Variants in YAF2 observed in about 807,000 individuals in gnomAD.
YAF2 encodes the protein YY1-associated factor 2.
Under a neutral mutation model 20.1 loss-of-function variants are expected in YAF2, and 7 were observed. The observed-to-expected ratio is 0.35, with a 90% CI of 0.20 to 0.65. The LOEUF is 0.65. Among genes scored for constraint, YAF2 ranks in the 30% least tolerant of loss-of-function variants. The pLI, the probability that YAF2 is intolerant of heterozygous loss-of-function variation, is 0.69. For synonymous variants in YAF2, 74 were observed against 76.0 expected (o/e 0.97, Z 0.14); for missense variants, 151 against 219.2 (o/e 0.69, Z 1.96).
chr12:42,175,772 T>TAAAAAAAAAAAAAAAAAAAAAAAAAAA (rs1277338221), intron 2 of YAF2, among the ~76,000 whole-genome samples: 33 of 88,852 alleles, frequency 3.7e-4, no homozygotes, highest in Non-Finnish European at 5.4e-4. Flanking sequence ...AAAAAAAAAT[T>TAAAAAAAAAAAAAAAAAAAAAAAAAAA]AAAACAGGAA....
intron 2 of YAF2, 114 bp from the exon 3 acceptor site, chr12:42,161,879 A>C: frequency 1.0e-6 from 1 of 973,032 alleles, no homozygotes; most frequent in Non-Finnish European, 1.5e-6. Flanking sequence ...TTTCAAGTAT[A>C]AAAATTCCTC....
chr12:42,176,555 C>T (rs1327992013), intron 2 of YAF2, among the ~76,000 whole-genome samples: 3 of 152,012 alleles, frequency 2.0e-5, no homozygotes, highest in Non-Finnish European at 2.9e-5. Context: ...TCCGTTTTTC[C>T]TCTCATACTC....
At chr12:42,189,268 A>G (rs975133786) in intron 2 of YAF2, among the ~76,000 whole-genome samples, 8 of 152,246 alleles carry the variant, frequency 5.3e-5, no homozygotes, top group African/African-American at 1.9e-4. Context: ...AAGGCAAGTT[A>G]GAGGCAGGAT....
Position 42,161,779 on chromosome 12 carries a change from A to G in YAF2, c.153-14T>C, listed in dbSNP as rs773735698. 1.3e-5 allele frequency: 21 copies of G among 1,584,440 alleles called. No homozygotes were observed. In the South Asian group the frequency reaches 2.5e-4, roughly 19 times the overall value. ...GGTCGAGGTTTCCTGTGTGCATGTT[A>G]AAAAGAAAGGTATTTTAAATTACAA... On this transcript the variant is annotated splice_polypyrimidine_tract_variant and intron_variant, in intron 2 of 3. Transcript: ENST00000534854.
rs773156618 is a variant in YAF2, at chr12:42,238,198, A to G, written c.-18T>C. 14 of 1,393,436 alleles carry G rather than the reference A, an allele frequency of 1.0e-5. No individual in the cohort carries two copies. In the African/African-American group the frequency reaches 1.9e-4, roughly 19 times the overall value. 86.3% of individuals were successfully genotyped at this position (1,393,436 alleles called of 1,614,324 possible). On this transcript the variant is annotated 5_prime_UTR_variant, in exon 1 of 4. Transcript: ENST00000534854. ...TCTCCCATGGCTTGGCTATCACCGC[A>G]CGCCGAGAGTCGCCGCCGCGACCGC...
At chr12:42,195,019 A>G (rs78760512) in intron 2 of YAF2, among the ~76,000 whole-genome samples, 2,292 of 152,356 alleles carry the variant, frequency 0.015, 55 homozygotes, top group African/African-American at 0.052. Context: ...TTAAAATATT[A>G]TACCAACAGG....
At chr12:42,233,039 C>G (rs1408408378) in intron 2 of YAF2, 1 of 985,268 alleles carries the variant, frequency 1.0e-6, no homozygotes, top group African/African-American at 1.7e-5. Context: ...TTGCTCACCA[C>G]TGTATGTCTA....
intron 2 of YAF2, 131 bp downstream of exon 2, chr12:42,237,468 C>T (rs1279101289): frequency 2.2e-6 from 3 of 1,355,152 alleles, no homozygotes; most frequent in South Asian, 3.4e-5. Context: ...CAGTTCCTAT[C>T]GCCACAGCCA....
chr12:42,213,955 A>T (rs1452877565), intron 2 of YAF2, among the ~76,000 whole-genome samples: 1 of 152,244 alleles, frequency 6.6e-6, no homozygotes, highest in Non-Finnish European at 1.5e-5. Context: ...ACGCCCCATT[A>T]TCTTTCACCT....
intron 2 of YAF2, among the ~76,000 whole-genome samples, chr12:42,178,839 G>A (rs1214702630): frequency 6.6e-6 from 1 of 152,052 alleles, no homozygotes; most frequent in Admixed American, 6.6e-5. Flanking sequence ...ACTTAAATCA[G>A]TGGTGTCTAA....
intron 2 of YAF2, chr12:42,234,979 T>A: frequency 1.0e-6 from 1 of 983,640 alleles, no homozygotes; most frequent in Non-Finnish European, 1.2e-6. Flanking sequence ...CAGAATGAGA[T>A]CTTATCTCAA....
intron 2 of YAF2, among the ~76,000 whole-genome samples, chr12:42,170,704 G>T (rs1158471707): frequency 6.6e-6 from 1 of 152,014 alleles, no homozygotes; most frequent in Non-Finnish European, 1.5e-5. Context: ...AAATTAGCTG[G>T]GCATGGTGGC....
intron 2 of YAF2, chr12:42,236,043 T>G: frequency 1.3e-6 from 2 of 1,531,726 alleles, no homozygotes; most frequent in African/African-American, 2.7e-5. Flanking sequence ...ATTTTTCTAA[T>G]GGCTACAAGA....
chr12:42,210,289 T>G (rs890697434), intron 2 of YAF2: 1 of 1,006,756 alleles, frequency 9.9e-7, no homozygotes, highest in Non-Finnish European at 1.4e-6. Flanking sequence ...TTAAACAAAC[T>G]CCTTCTCAAG....
At chr12:42,169,631 TCA>T (rs1329420904) in intron 2 of YAF2, among the ~76,000 whole-genome samples, 7 of 152,144 alleles carry the variant, frequency 4.6e-5, no homozygotes, top group Non-Finnish European at 8.8e-5. Context: ...CAGGCTGGTC[TCA>T]AACTCCTGGA....
At chr12:42,187,619 C>T (rs977627590) in intron 2 of YAF2, among the ~76,000 whole-genome samples, 27 of 152,174 alleles carry the variant, frequency 1.8e-4, no homozygotes, top group African/African-American at 6.3e-4. Flanking sequence ...CTGATACTTA[C>T]GTAAAAATCC....
intron 2 of YAF2, among the ~76,000 whole-genome samples, chr12:42,228,288 A>G (rs1441311028): frequency 2.8e-5 from 1 of 35,092 alleles, no homozygotes; most frequent in African/African-American, 3.8e-4. Flanking sequence ...CCCGTCCGGG[A>G]GGGAGGTGGG....
rs982635800 is a variant in YAF2 at position 42,157,285 on chromosome 12, T to C, written c.*3304A>G. The C allele has an allele frequency of 6.6e-6, 1 of 152,266 alleles. No homozygotes were observed. Among genetic ancestry groups the C allele is most frequent in the African/African-American group, 2.4e-5 (1 of 41,456 alleles). The allele number at this position is 152,266 out of a possible 1,614,324, so 9.4% of individuals were successfully genotyped here. A position where few individuals can be genotyped will look rare whatever the true frequency, so the allele number is the denominator to read the frequency against. The stretch of plus-strand genomic sequence containing the variant: ...ATCCTCACTTCATAACAACCCACTC[T>C]TGTGAGAATTCATCCATTCCTGCAA... On this transcript the variant is annotated 3_prime_UTR_variant, in exon 4 of 4. Coordinates refer to ENST00000534854, the MANE Select transcript of YAF2 (RefSeq NM_005748.6).
At chr12:42,163,246 G>A (rs2049059315) in intron 2 of YAF2, among the ~76,000 whole-genome samples, 1 of 152,134 alleles carries the variant, frequency 6.6e-6, no homozygotes, top group Non-Finnish European at 1.5e-5. Flanking sequence ...GGAGAGCAGA[G>A]TGGCAGAGTG....
Sources: gnomAD v4.1 joint callset for allele counts (sites outside exome capture counted in the v4.1 genomes callset) on GRCh38, gnomAD v4.1.1 for gene constraint, MANE v1.5 for transcripts, NCBI Gene and HGNC (gene_info 2026-07-23, HGNC 2026-07-21) for gene names.